Variants in CDH11 observed in about 807,000 individuals in gnomAD.
The protein encoded by CDH11 is cadherin-11.
In CDH11, 11 loss-of-function variants were observed where a neutral mutation model predicts 67.8. The observed-to-expected ratio is 0.16, with a 90% CI of 0.10 to 0.27. CDH11 has a LOEUF of 0.27. CDH11 is among the 10% of genes least tolerant of loss of function. The probability of loss-of-function intolerance (pLI) is 1.00; values close to 1 mark genes in which losing one functional copy is unlikely to be tolerated. For missense variants in CDH11, 847 were observed against 1,031.2 expected (o/e 0.82, Z 2.45); for synonymous variants, 419 against 400.0 (o/e 1.05, Z -0.57).
rs1012568542 is a variant in CDH11 at position 64,947,568 on chromosome 16, A to G, written c.*35T>C. The G allele has an allele frequency of 1.3e-6, 2 of 1,579,858 alleles. No homozygotes were observed. Among genetic ancestry groups the G allele is most frequent in the East Asian group, 2.3e-5 (1 of 44,384 alleles). ...TCTTCTAGATTCTTGAGAACGCCAG[A>G]CACAGTTCTTAAGGCCAAATTTGTA... On this transcript the variant is annotated 3_prime_UTR_variant, in exon 13 of 13. Transcript: ENST00000268603.
intron 7 of CDH11, chr16:64,983,322 G>A (rs375241261): frequency 2.0e-5 from 3 of 152,122 alleles, no homozygotes; most frequent in Non-Finnish European, 4.4e-5. Flanking sequence ...GAGTTACAGT[G>A]AATCAGTCAG....
Position 64,992,979 on chromosome 16 carries a change from A to G in CDH11, c.579T>C (p.Asn193=), listed in dbSNP as rs762154004. The change falls in exon 5 of 13, where the codon AAT becomes AAC. Residue 193 remains asparagine, a synonymous_variant. Transcript: ENST00000268603. ...GGATACTGTACACTAACTTGGCGCT[A>G]TTTCCATAAGTGGGGTCATCTGCAT... ...ASDADDPTYG[N]SAKLVYSILE... The G allele has an allele frequency of 6.2e-6, 10 of 1,612,010 alleles. No homozygotes were observed. The highest frequency in any genetic ancestry group is 1.3e-5 in the African/African-American group (1 of 74,880).
intron 11 of CDH11, among the ~76,000 whole-genome samples, chr16:64,951,577 T>C (rs1252565639): frequency 2.0e-5 from 3 of 152,080 alleles, no homozygotes; most frequent in Admixed American, 2.0e-4. Flanking sequence ...TCTGCTGGGC[T>C]ATTAGCTTCA....
chr16:65,121,822 C>A lies in CDH11; in HGVS notation c.-298+58G>T, dbSNP rs2075336143. The A allele has an allele frequency of 1.4e-6, 1 of 701,556 alleles. No homozygotes were observed. Among genetic ancestry groups the A allele is most frequent in the Non-Finnish European group, 2.6e-6 (1 of 384,388 alleles). The allele number at this position is 701,556 out of a possible 1,614,324, so 43.5% of individuals were successfully genotyped here. A position where few individuals can be genotyped will look rare whatever the true frequency, so the allele number is the denominator to read the frequency against. On this transcript the variant is annotated intron_variant, in intron 1 of 12. Transcript: ENST00000268603. This position sits in a 1 kb window ranked among gnomAD's most constrained non-coding sequence, Gnocchi z 4.1. Reference sequence around the variant, plus strand: ...ACATTCTCTTCCTGAGAAAATCCTGCCCCCCATTCCAAGAAGCCCCAACCA... The same window carrying A: ...ACATTCTCTTCCTGAGAAAATCCTGACCCCCATTCCAAGAAGCCCCAACCA...
chr16:64,950,634 ACT>A, intron 12 of CDH11, 131 bp downstream of exon 12: 1 of 282,004 alleles, frequency 3.5e-6, no homozygotes, highest in Non-Finnish European at 4.5e-6. Flanking sequence ...CCCGTACCCC[ACT>A]TCTTTTCTTG....
chr16:65,034,176 T>C (rs971680875), intron 2 of CDH11, among the ~76,000 whole-genome samples: 5 of 151,940 alleles, frequency 3.3e-5, no homozygotes, highest in Non-Finnish European at 5.9e-5. Flanking sequence ...AAAGAGGAAA[T>C]GTAGACAAAA....
rs1597057980 is a variant in CDH11 at position 64,988,178 on chromosome 16, C to T, written c.978G>A (p.Glu326=). The part of the protein sequence containing the change: ...FEITTDYETQ[E]GVIKLKKPVD... ...TCACCTTTTTCAGCTTTATCACCCCCTCCTGTGTTTCATAGTCCGTTGTGA... is the reference window on the plus strand; with the variant it reads ...TCACCTTTTTCAGCTTTATCACCCCTTCCTGTGTTTCATAGTCCGTTGTGA... The change falls in exon 7 of 13, where the codon GAG becomes GAA. Residue 326 remains glutamate, a synonymous_variant. Transcript: ENST00000268603. 1.9e-6 allele frequency: 3 copies of T among 1,610,874 alleles called. No homozygotes were observed. The highest frequency in any genetic ancestry group is 2.5e-6 in the Non-Finnish European group (3 of 1,178,470).
Position 64,979,197 on chromosome 16 carries a change from T to C in CDH11, c.1253+2851A>G, listed in dbSNP as rs138974786. Among the ~76,000 whole-genome samples the C allele has an allele frequency of 2.2e-3, 339 of 152,300 alleles. 3 individuals carry two copies. The highest frequency in any genetic ancestry group is 7.5e-3 in the African/African-American group (311 of 41,558). On this transcript the variant is annotated intron_variant, in intron 8 of 12. Transcript: ENST00000268603. ...AGGTGCAGTGGCTCATGCGTGTAAT[T>C]CCAGCACTTTGGAAGGCAGAAACAG...
intron 7 of CDH11, among the ~76,000 whole-genome samples, chr16:64,984,297 T>A (rs111515215): frequency 6.6e-6 from 1 of 152,320 alleles, no homozygotes; most frequent in Non-Finnish European, 1.5e-5. Flanking sequence ...TCTTTGCTGA[T>A]CTTTGTCCCA....
intron 2 of CDH11, among the ~76,000 whole-genome samples, chr16:65,023,080 GC>G (rs1273527357): frequency 6.6e-6 from 1 of 152,124 alleles, no homozygotes; most frequent in East Asian, 1.9e-4. Flanking sequence ...GGAAACTAAA[GC>G]AAAAAAGGCC....
chr16:65,025,572 A>G (rs909149730), intron 2 of CDH11, among the ~76,000 whole-genome samples: 5 of 152,218 alleles, frequency 3.3e-5, no homozygotes, highest in Non-Finnish European at 7.3e-5. Context: ...TGAACTCCTG[A>G]TCTTGTGATC....
At chr16:65,051,918 GGCAGTGTGAA>G (rs2074063181) in intron 2 of CDH11, among the ~76,000 whole-genome samples, 1 of 152,216 alleles carries the variant, frequency 6.6e-6, no homozygotes, top group East Asian at 1.9e-4. Context: ...AGTTCTTTAT[GGCAGTGTGAA>G]AACAGACTAA....
At chr16:64,979,089 G>A (rs1045719221) in intron 8 of CDH11, among the ~76,000 whole-genome samples, 1 of 152,116 alleles carries the variant, frequency 6.6e-6, no homozygotes, top group Admixed American at 6.5e-5. Context: ...ATCCACTTAT[G>A]AAATGGGCAA....
chr16:65,044,361 G>T (rs2073919394), intron 2 of CDH11, among the ~76,000 whole-genome samples: 1 of 152,160 alleles, frequency 6.6e-6, no homozygotes, highest in Non-Finnish European at 1.5e-5. Flanking sequence ...AGGATGCACA[G>T]AAATGTTTTA....
At chr16:65,063,231 C>G (rs1567556261) in intron 1 of CDH11, among the ~76,000 whole-genome samples, 1 of 152,140 alleles carries the variant, frequency 6.6e-6, no homozygotes, top group African/African-American at 2.4e-5. Flanking sequence ...CACACACACA[C>G]AAACACAAAA....
intron 1 of CDH11, among the ~76,000 whole-genome samples, chr16:65,087,265 T>C (rs1257588601): frequency 1.3e-5 from 2 of 152,224 alleles, no homozygotes; most frequent in African/African-American, 4.8e-5. Flanking sequence ...TTTAGTCTAA[T>C]TCTTCATGCC....
Position 64,958,616 on chromosome 16 carries a change from C to A in CDH11, c.1643-7598G>T, listed in dbSNP as rs77699238. Among the ~76,000 whole-genome samples the A allele has an allele frequency of 4.0e-3, 609 of 152,200 alleles. 5 individuals carry two copies. The highest frequency in any genetic ancestry group is 5.0e-3 in the Non-Finnish European group (337 of 67,988). ...CACAAGCACATGGAAAATAACAGAACTAGAATTTGAAGTCCTCTAGGTTTC... is the reference window on the plus strand; with the variant it reads ...CACAAGCACATGGAAAATAACAGAAATAGAATTTGAAGTCCTCTAGGTTTC... On this transcript the variant is annotated intron_variant, in intron 11 of 12. Transcript: ENST00000268603.
Position 65,004,773 on chromosome 16 carries a change from G to A in CDH11, c.97C>T (p.Pro33Ser). The change falls in exon 3 of 13, where the codon CCC becomes TCC. Residue 33 changes from proline to serine, a missense_variant. Physicochemically the swap from Pro to Ser is moderately conservative, Grantham distance 74. Around this residue, in one of 2 missense-constraint regions of CDH11, gnomAD observed 235 missense variants for 352.5 expected, o/e 0.67. Transcript: ENST00000268603. ...TTCTCATGGTGCCCATGGAAGGAGG[G>A]CCGCAGGTGCCCCCGCCGCTCTGGG... is the stretch of plus-strand genomic sequence containing the variant. ...FAPERRGHLR[P>S]SFHGHHEKGK... 3.8e-6 allele frequency: 6 copies of A among 1,593,160 alleles called. No individual in the cohort carries two copies. Among genetic ancestry groups the A allele is most frequent in the Non-Finnish European group, 5.1e-6 (6 of 1,168,378 alleles).
chr16:65,059,800 C>G (rs749345124), intron 1 of CDH11: 6 of 152,174 alleles, frequency 3.9e-5, no homozygotes, highest in Non-Finnish European at 8.8e-5. Context: ...TTTCGTTGTA[C>G]CCAAATAATT....
Sources: gnomAD v4.1 joint callset for allele counts (sites outside exome capture counted in the v4.1 genomes callset) on GRCh38, gnomAD v4.1.1 for gene constraint, gnomAD v4.1.1 regional missense constraint, Gnocchi (gnomAD v3.1) non-coding constraint, MANE v1.5 for transcripts, NCBI Gene and HGNC (gene_info 2026-07-23, HGNC 2026-07-21) for gene names.